STXBP4: variants seen among roughly 807,000 people sequenced by gnomAD.
STXBP4 encodes syntaxin-binding protein 4.
A neutral mutation model predicts 76.1 loss-of-function variants in STXBP4; 55 were observed. The ratio of observed to expected loss-of-function variants is 0.72; its 90% confidence interval spans 0.58 to 0.91. STXBP4 has a LOEUF of 0.91. Among genes scored for constraint, STXBP4 ranks in the 40% least tolerant of loss-of-function variants. STXBP4 has a pLI of 0.00. For missense variants in STXBP4, 618 were observed against 636.9 expected, an observed-to-expected ratio of 0.97 and a Z score of 0.32; for synonymous variants, 201 against 220.2, an observed-to-expected ratio of 0.91 and a Z score of 0.77.
At chr17:54,990,244 C>A (rs879768440) in intron 3 of STXBP4, among the ~76,000 whole-genome samples, 1 of 152,140 alleles carries the variant, frequency 6.6e-6, no homozygotes, top group East Asian at 1.9e-4. Context: ...GGTCCCTAAT[C>A]CCTGGGCCAC....
At chr17:55,146,530 T>G (rs2080155891) in intron 17 of STXBP4, among the ~76,000 whole-genome samples, 1 of 151,952 alleles carries the variant, frequency 6.6e-6, no homozygotes, top group South Asian at 2.1e-4. Context: ...GCTAACACGG[T>G]GAAACCCTGT....
intron 16 of STXBP4, among the ~76,000 whole-genome samples, chr17:55,084,802 C>T (rs1434141832): frequency 6.6e-6 from 1 of 152,056 alleles, no homozygotes; most frequent in Non-Finnish European, 1.5e-5. Context: ...AGATATGCGG[C>T]GTTATTTCTG....
intron 17 of STXBP4, among the ~76,000 whole-genome samples, chr17:55,146,286 A>G (rs1227247433): frequency 1.3e-5 from 2 of 152,142 alleles, no homozygotes; most frequent in African/African-American, 2.4e-5. Context: ...GCTTAAACCA[A>G]TATGTATTTT....
intron 3 of STXBP4, among the ~76,000 whole-genome samples, chr17:54,989,425 A>G (rs1383873724): frequency 6.6e-6 from 1 of 152,176 alleles, no homozygotes; most frequent in East Asian, 1.9e-4. Context: ...TAGTAGTTTC[A>G]GTTATTCAAT....
chr17:55,071,934 G>T (rs904950282), intron 12 of STXBP4, among the ~76,000 whole-genome samples: 1 of 151,306 alleles, frequency 6.6e-6, no homozygotes, highest in African/African-American at 2.4e-5. Flanking sequence ...TACAGTATAA[G>T]AAGTGCCATA....
At chr17:55,116,142 CAT>C (rs1390536685) in intron 16 of STXBP4, among the ~76,000 whole-genome samples, 3 of 151,788 alleles carry the variant, frequency 2.0e-5, no homozygotes, top group Non-Finnish European at 4.4e-5. Flanking sequence ...CATTTATAAA[CAT>C]ATATTTTTAA....
chr17:55,093,167 G>A (rs981556919), intron 16 of STXBP4, among the ~76,000 whole-genome samples: 3 of 151,876 alleles, frequency 2.0e-5, no homozygotes, highest in African/African-American at 7.3e-5. Context: ...GCTAAGTTTT[G>A]TATTCTTAGT....
At chr17:55,007,622 TC>T in intron 8 of STXBP4, 25 bp downstream of exon 8, 1 of 1,561,712 alleles carries the variant, frequency 6.4e-7, no homozygotes, top group South Asian at 1.2e-5. Flanking sequence ...TTTTCATTTT[TC>T]TTCCATAAGA....
chr17:55,027,573 A>G (rs567205011), intron 8 of STXBP4, among the ~76,000 whole-genome samples: 4 of 152,232 alleles, frequency 2.6e-5, no homozygotes, highest in Non-Finnish European at 5.9e-5. Flanking sequence ...GAAATAAAAA[A>G]AGAAAAAAGT....
At chr17:55,068,069 TA>T (rs2079075067) in intron 12 of STXBP4, among the ~76,000 whole-genome samples, 1 of 152,140 alleles carries the variant, frequency 6.6e-6, no homozygotes, top group Non-Finnish European at 1.5e-5. Flanking sequence ...AAAGGTATAT[TA>T]TATATATTTT....
Position 55,041,527 on chromosome 17 carries a change from C to G in STXBP4, c.856-1709C>G, listed in dbSNP as rs2078699127. The stretch of plus-strand genomic sequence containing the variant: ...GTCACTGCACCTGGCCTTATTTAAA[C>G]TTCTGAATCCTGCTTATTTCACTTC... On this transcript the variant is annotated intron_variant, in intron 10 of 17. Transcript: ENST00000376352. Among the ~76,000 whole-genome samples, 6 of 152,076 alleles carry G rather than the reference C, an allele frequency of 3.9e-5. No individual in the cohort carries two copies. In the South Asian group the frequency reaches 1.2e-3, roughly 32 times the overall value.
At chr17:55,064,684 T>C (rs2079028917) in intron 12 of STXBP4, among the ~76,000 whole-genome samples, 1 of 152,070 alleles carries the variant, frequency 6.6e-6, no homozygotes, top group African/African-American at 2.4e-5. Context: ...TTTTGTACTT[T>C]TAGTAGAGAC....
chr17:55,073,280 A>G (rs1047341871), intron 13 of STXBP4, among the ~76,000 whole-genome samples: 2 of 152,194 alleles, frequency 1.3e-5, no homozygotes, highest in African/African-American at 4.8e-5. Flanking sequence ...ATGGAAAAGC[A>G]TGTGCCCCAA....
At chr17:55,198,347 C>T in the STXBP4 span, among the ~76,000 whole-genome samples, 1 of 152,144 alleles carries the variant, frequency 6.6e-6, no homozygotes, top group Non-Finnish European at 1.5e-5. Context: ...AAGAAGTCAG[C>T]GTAAATTGGC....
intron 17 of STXBP4, among the ~76,000 whole-genome samples, chr17:55,142,349 C>T (rs577584165): frequency 1.3e-5 from 2 of 152,296 alleles, no homozygotes; most frequent in South Asian, 4.1e-4. Context: ...GCAAAGTATA[C>T]TTGGTATGCA....
rs1246256000 is a variant in STXBP4, at chr17:55,160,928, A to T, written c.*1017A>T. On this transcript the variant is annotated 3_prime_UTR_variant, in exon 18 of 18. Transcript: ENST00000376352. ...GTCCTGCTTAGGTTGCCCTTCCCAG[A>T]GGGATGGTTTGAGGGGAGCTGATGA... 6.6e-6 allele frequency: 1 copy of T among 152,178 alleles called. No homozygotes were observed. Among genetic ancestry groups the T allele is most frequent in the African/African-American group, 2.4e-5 (1 of 41,442 alleles). 9.4% of individuals were successfully genotyped at this position (152,178 alleles called of 1,614,324 possible).
At chr17:55,116,878 TA>T (rs1247696963) in intron 16 of STXBP4, among the ~76,000 whole-genome samples, 2 of 151,664 alleles carry the variant, frequency 1.3e-5, no homozygotes, top group African/African-American at 2.4e-5. Flanking sequence ...CACCTACCAC[TA>T]ATAATAAAAT....
At chr17:54,994,476 C>T (rs910732411) in intron 4 of STXBP4, among the ~76,000 whole-genome samples, 4 of 152,212 alleles carry the variant, frequency 2.6e-5, no homozygotes, top group Non-Finnish European at 4.4e-5. Flanking sequence ...AATTTAACAG[C>T]TTCCTATTTC....
chr17:55,183,340 C>T, the STXBP4 span, among the ~76,000 whole-genome samples: 2 of 152,096 alleles, frequency 1.3e-5, no homozygotes, highest in African/African-American at 4.8e-5. Context: ...AAACCCAGCA[C>T]TTTAGGAGGC....
Sources: gnomAD v4.1 joint callset for allele counts (sites outside exome capture counted in the v4.1 genomes callset) on GRCh38, gnomAD v4.1.1 for gene constraint, MANE v1.5 for transcripts, NCBI Gene and HGNC (gene_info 2026-07-23, HGNC 2026-07-21) for gene names.